Variants in ZFX observed in about 807,000 individuals in gnomAD.
ZFX encodes the protein zinc finger X-chromosomal protein.
For missense variants in ZFX, 362 were observed against 628.3 expected (o/e 0.58, Z 4.53); for synonymous variants, 196 against 226.8 (o/e 0.86, Z 1.22).
At position 24,172,706 on chromosome X, in the gene ZFX, C is replaced by G. The variant is rs752267761; in HGVS notation, c.-28-9C>G. On this transcript the variant is annotated splice_polypyrimidine_tract_variant and intron_variant, in intron 3 of 9. Transcript: ENST00000304543. The stretch of plus-strand genomic sequence containing the variant: ...TAATGGCTTTGGTTTACTTTTTTCC[C>G]TGATTTAGGAGCTGTGACTGATGAG... 1.1e-4 allele frequency: 123 copies of G among 1,127,393 alleles called. No individual in the cohort carries two copies. Among genetic ancestry groups the G allele is most frequent in the Non-Finnish European group, 1.4e-4 (116 of 855,190 alleles). 92.9% of individuals were successfully genotyped at this position (1,127,393 alleles called of 1,213,427 possible).
chrX:24,186,629 AAAAATC>A (rs1936136151), intron 5 of ZFX, among the ~76,000 whole-genome samples: 1 of 111,223 alleles, frequency 9.0e-6, no homozygotes, highest in South Asian at 3.8e-4. Context: ...TCTCTTAAAA[AAAAATC>A]AAAAACCAAA....
intron 4 of ZFX, chrX:24,173,466 C>T (rs1934823612): frequency 4.4e-6 from 4 of 908,141 alleles, no homozygotes; most frequent in East Asian, 3.9e-5. Flanking sequence ...CCATAGTGTA[C>T]AAGGAAAAAT....
chrX:24,151,001 CTTT>C (rs1932047585), intron 1 of ZFX, among the ~76,000 whole-genome samples: 2 of 111,761 alleles, frequency 1.8e-5, no homozygotes, highest in African/African-American at 3.3e-5. Context: ...TAAGGGCAGA[CTTT>C]TTTATTTTCT....
intron 5 of ZFX, among the ~76,000 whole-genome samples, chrX:24,183,969 C>A (rs1442799682): frequency 9.1e-6 from 1 of 110,382 alleles, no homozygotes; most frequent in Non-Finnish European, 1.9e-5. Context: ...GTTGGCCAGG[C>A]TGATCTCGAT....
In ZFX at chrX:24,179,421, C is replaced by T. The variant is rs746241053; in HGVS notation, c.297C>T (p.Asp99=). 2.7e-5 allele frequency: 33 copies of T among 1,210,953 alleles called. No homozygotes were observed. In the South Asian group the frequency reaches 5.8e-4, roughly 21 times the overall value. Residue 99 remains aspartate, a synonymous_variant, in exon 5 of 10, where the codon GAC becomes GAT. Transcript: ENST00000304543. ...TCATCATTCCTGAGCAAGTGCTGGA[C>T]TCAGATGTAACTGAAGAAGTTTCTT... ...ETVIIPEQVL[D]SDVTEEVSLA...
At chrX:24,188,275 T>C (rs1465314961) in intron 5 of ZFX, among the ~76,000 whole-genome samples, 1 of 111,116 alleles carries the variant, frequency 9.0e-6, no homozygotes, top group Non-Finnish European at 1.9e-5. Context: ...TTGAAGATAT[T>C]GACCAAGTTT....
chrX:24,203,070 G>A (rs1390863029), intron 5 of ZFX, among the ~76,000 whole-genome samples: 1 of 111,695 alleles, frequency 9.0e-6, no homozygotes, highest in Non-Finnish European at 1.9e-5. Context: ...CAAACATGCA[G>A]GAAGAGAGAT....
intron 5 of ZFX, among the ~76,000 whole-genome samples, chrX:24,182,275 A>G (rs943424147): frequency 9.0e-6 from 1 of 111,177 alleles, no homozygotes; most frequent in Non-Finnish European, 1.9e-5. Context: ...GTTTGTTGCT[A>G]GAGGAAGAAA....
chrX:24,173,981 T>A (rs1934890033), intron 4 of ZFX, among the ~76,000 whole-genome samples: 1 of 110,212 alleles, frequency 9.1e-6, no homozygotes, highest in Non-Finnish European at 1.9e-5. Context: ...GAGGCTGAGG[T>A]GGGTGGATCA....
At chrX:24,154,917 C>T (rs1932643243) in intron 3 of ZFX, among the ~76,000 whole-genome samples, 1 of 111,338 alleles carries the variant, frequency 9.0e-6, no homozygotes. Context: ...TTCTCACATA[C>T]AGGTGGGAGC....
intron 5 of ZFX, among the ~76,000 whole-genome samples, chrX:24,194,745 A>ATT (rs201382772): frequency 2.6e-4 from 27 of 103,315 alleles, no homozygotes; most frequent in African/African-American, 7.6e-4. Context: ...TACAGTAAAA[A>ATT]ATTTTTTTTT....
At position 24,211,402 on chromosome X, in the gene ZFX, A is replaced by G. The variant is rs1204440360; in HGVS notation, c.*26A>G. On this transcript the variant is annotated 3_prime_UTR_variant, in exon 10 of 10. Coordinates refer to ENST00000304543, the MANE Select transcript of ZFX (RefSeq NM_003410.4). ...CAATACTTCTACAGAACGTTTGTAG[A>G]GATATTGGCCTTGAAGCAGAAAATT... 1 of 1,204,148 alleles carries G rather than the reference A, an allele frequency of 8.3e-7. No individual in the cohort carries two copies.
chrX:24,164,832 T>G (rs2238932), intron 3 of ZFX, among the ~76,000 whole-genome samples: 44,550 of 107,377 alleles, frequency 0.41, 6,956 homozygotes, highest in South Asian at 0.79. Context: ...CAGCTACTTT[T>G]GGGAGGCTGA....
chrX:24,185,506 A>G (rs999885474), intron 5 of ZFX, among the ~76,000 whole-genome samples: 13 of 111,581 alleles, frequency 1.2e-4, no homozygotes, highest in African/African-American at 3.9e-4. Context: ...GCTGGAGTGC[A>G]GTGGCATGAT....
chrX:24,214,317 AAG>A lies in ZFX; in HGVS notation c.*2943_*2944del, dbSNP rs944097783. 1 of 111,800 alleles carries A rather than the reference AAG, an allele frequency of 8.9e-6. No individual in the cohort carries two copies. The highest frequency in any genetic ancestry group is 3.3e-5 in the African/African-American group (1 of 30,675). 9.2% of individuals were successfully genotyped at this position (111,800 alleles called of 1,213,427 possible). The stretch of plus-strand genomic sequence containing the variant: ...TTGTAAAGAAAGTAAAATACATAAA[AAG>A]AAAATCATATAGGGATGTGTGACAT... On this transcript the variant is annotated 3_prime_UTR_variant, in exon 10 of 10. Coordinates refer to ENST00000304543, the MANE Select transcript of ZFX (RefSeq NM_003410.4).
intron 5 of ZFX, among the ~76,000 whole-genome samples, chrX:24,183,631 C>T (rs1287033810): frequency 3.6e-5 from 4 of 111,030 alleles, no homozygotes; most frequent in African/African-American, 1.3e-4. Flanking sequence ...TCTGAGGGTT[C>T]AATGTATATA....
chrX:24,201,442 A>C (rs1270305336), intron 5 of ZFX, among the ~76,000 whole-genome samples: 1 of 112,868 alleles, frequency 8.9e-6, no homozygotes, highest in East Asian at 2.8e-4. Context: ...TGAAGGGTAC[A>C]GACAAATTGA....
In ZFX at chrX:24,156,180, A is replaced by G. The variant is rs188328207; in HGVS notation, c.-29+3350A>G. 4.5e-5 allele frequency among the ~76,000 whole-genome samples: 5 copies of G among 112,326 alleles called. No individual in the cohort carries two copies. In the East Asian group the frequency reaches 8.3e-4, roughly 19 times the overall value. On this transcript the variant is annotated intron_variant, in intron 3 of 9. Transcript: ENST00000304543. ...TGAAAGTGCTGGGATTACAGGTGTG[A>G]GCCACTGTGGCTGGCTGGTTTATGG...
intron 3 of ZFX, among the ~76,000 whole-genome samples, chrX:24,167,895 C>T (rs1934156162): frequency 8.9e-6 from 1 of 111,938 alleles, no homozygotes; most frequent in African/African-American, 3.2e-5. Context: ...AAAGGCCCCA[C>T]ATGGTCTGCA....
Sources: gnomAD v4.1 joint callset for allele counts (sites outside exome capture counted in the v4.1 genomes callset) on GRCh38, gnomAD v4.1.1 for gene constraint, MANE v1.5 for transcripts, NCBI Gene and HGNC (gene_info 2026-07-23, HGNC 2026-07-21) for gene names.